The following ENTREP2 variants were observed in gnomAD, a reference collection of about 807,000 sequenced individuals.
ENTREP2 encodes endosomal transmembrane epsin interactor 2.
the ENTREP2 span, among the ~76,000 whole-genome samples, chr15:29,286,944 A>C: frequency 1.8e-3 from 276 of 152,282 alleles, no homozygotes; most frequent in African/African-American, 6.4e-3. Flanking sequence ...CCAGAGACTA[A>C]ATCTTGAAAC....
chr15:29,159,445 CG>C, the ENTREP2 span, among the ~76,000 whole-genome samples: 1 of 152,126 alleles, frequency 6.6e-6, no homozygotes, highest in Admixed American at 6.5e-5. Context: ...AGGACAGGGC[CG>C]GGTTGCTACT....
At chr15:29,634,338 G>C in the ENTREP2 span, among the ~76,000 whole-genome samples, 1 of 152,030 alleles carries the variant, frequency 6.6e-6, no homozygotes, top group Non-Finnish European at 1.5e-5. Flanking sequence ...AAGTGCACAC[G>C]ATCCCCTCCC....
chr15:29,169,330 G>A, the ENTREP2 span, among the ~76,000 whole-genome samples: 74,872 of 151,706 alleles, frequency 0.49, 19,531 homozygotes, highest in East Asian at 0.66. Context: ...GGAAAAAAAA[G>A]GCTTTGCACA....
the ENTREP2 span, among the ~76,000 whole-genome samples, chr15:29,270,762 T>C: frequency 6.6e-6 from 1 of 152,206 alleles, no homozygotes. Context: ...GTCATTTCAT[T>C]AACTCAAACC....
chr15:29,494,459 G>T, the ENTREP2 span, among the ~76,000 whole-genome samples: 1 of 152,292 alleles, frequency 6.6e-6, no homozygotes, highest in Admixed American at 6.5e-5. Context: ...ACTGTAAAAT[G>T]ATTACCACAA....
the ENTREP2 span, among the ~76,000 whole-genome samples, chr15:29,172,038 G>T: frequency 6.6e-6 from 1 of 152,024 alleles, no homozygotes; most frequent in Non-Finnish European, 1.5e-5. Context: ...ATTCCCCAAA[G>T]AAACAAAGAG....
the ENTREP2 span, among the ~76,000 whole-genome samples, chr15:29,404,047 G>GAGTGC: frequency 6.6e-6 from 1 of 152,266 alleles, no homozygotes; most frequent in South Asian, 2.1e-4. Context: ...ACAGAGACTG[G>GAGTGC]AGTGCAGAGC....
chr15:29,404,422 C>A, the ENTREP2 span, among the ~76,000 whole-genome samples: 1 of 151,944 alleles, frequency 6.6e-6, no homozygotes, highest in Non-Finnish European at 1.5e-5. Context: ...CCCTCACTGG[C>A]ACAGGCAGAA....
the ENTREP2 span, among the ~76,000 whole-genome samples, chr15:29,565,161 C>T: frequency 2.6e-5 from 4 of 152,030 alleles, no homozygotes; most frequent in Non-Finnish European, 5.9e-5. Flanking sequence ...AATAAAGTAT[C>T]CATGGAAATT....
the ENTREP2 span, among the ~76,000 whole-genome samples, chr15:29,512,051 T>C: frequency 6.6e-6 from 1 of 151,694 alleles, no homozygotes; most frequent in African/African-American, 2.4e-5. Context: ...CTTTCTATGG[T>C]GAACGATATT....
chr15:29,275,264 A>T, the ENTREP2 span, among the ~76,000 whole-genome samples: 2 of 152,240 alleles, frequency 1.3e-5, no homozygotes, highest in African/African-American at 2.4e-5. Flanking sequence ...AAATATATAT[A>T]TCAAGGTACT....
chr15:29,415,133 T>TC, the ENTREP2 span, among the ~76,000 whole-genome samples: 2 of 151,310 alleles, frequency 1.3e-5, no homozygotes, highest in African/African-American at 2.4e-5. Flanking sequence ...AAACAGTGAA[T>TC]CCCCCCTAAC....
At chr15:29,401,533 A>C in the ENTREP2 span, among the ~76,000 whole-genome samples, 2 of 152,210 alleles carry the variant, frequency 1.3e-5, no homozygotes, top group African/African-American at 2.4e-5. Flanking sequence ...AGGGGAAAGA[A>C]AGTTCCTCTT....
the ENTREP2 span, among the ~76,000 whole-genome samples, chr15:29,339,823 C>G: frequency 6.6e-6 from 1 of 152,224 alleles, no homozygotes; most frequent in Non-Finnish European, 1.5e-5. Flanking sequence ...AAACGAGGTC[C>G]TGAAGATGGG....
chr15:29,656,837 T>C, the ENTREP2 span, among the ~76,000 whole-genome samples: 1 of 152,274 alleles, frequency 6.6e-6, no homozygotes, highest in South Asian at 2.1e-4. Context: ...CCCTCTAATC[T>C]CACTGCTAGG....
chr15:29,660,179 G>A, the ENTREP2 span, among the ~76,000 whole-genome samples: 1 of 152,182 alleles, frequency 6.6e-6, no homozygotes. Flanking sequence ...AATATGCAAG[G>A]ATAAATAAAT....
the ENTREP2 span, among the ~76,000 whole-genome samples, chr15:29,534,106 C>CAAAAAAA: frequency 1.6e-4 from 7 of 44,908 alleles, no homozygotes; most frequent in African/African-American, 2.4e-4. Flanking sequence ...GCCCCTTGGC[C>CAAAAAAA]AAAAAAAAAA....
At chr15:29,126,524 C>T in the ENTREP2 span, 89 of 1,534,962 alleles carry the variant, frequency 5.8e-5, no homozygotes, top group Admixed American at 6.9e-4. Flanking sequence ...TTAGAGTGGG[C>T]GGCCGCAGGG....
the ENTREP2 span, among the ~76,000 whole-genome samples, chr15:29,391,855 G>T: frequency 1.1e-4 from 16 of 152,164 alleles, no homozygotes; most frequent in Non-Finnish European, 2.2e-4. Flanking sequence ...GACAGAGTCT[G>T]GCTCTATCGC....
Sources: allele counts gnomAD v4.1 joint callset (sites outside exome capture counted in the v4.1 genomes callset), GRCh38; gene constraint gnomAD v4.1.1; transcripts MANE v1.5; gene names NCBI Gene and HGNC (gene_info 2026-07-23, HGNC 2026-07-21).